The following WAPL variants were observed in gnomAD, a reference collection of about 807,000 sequenced individuals.
WAPL encodes the protein WAPL cohesin release factor.
WAPL carries 5 observed loss-of-function variants against 121.0 expected under a neutral mutation model. The observed-to-expected ratio is 0.04, with a 90% CI of 0.02 to 0.09. The LOEUF (loss-of-function observed/expected upper bound fraction) is 0.09. Among genes scored for constraint, WAPL ranks in the 10% least tolerant of loss-of-function variants. The probability of loss-of-function intolerance (pLI) is 1.00; values close to 1 mark genes in which losing one functional copy is unlikely to be tolerated. For missense variants in WAPL, 999 were observed against 1,410.8 expected (o/e 0.71, Z 4.68); for synonymous variants, 480 against 481.5 (o/e 1.00, Z 0.04).
At chr10:86,483,052 G>A (rs1841828571) in intron 4 of WAPL, among the ~76,000 whole-genome samples, 1 of 152,164 alleles carries the variant, frequency 6.6e-6, no homozygotes, top group African/African-American at 2.4e-5. Flanking sequence ...TGACATCTTA[G>A]CACAATGCAT....
At chr10:86,511,462 C>T (rs953646050) in intron 2 of WAPL, among the ~76,000 whole-genome samples, 3 of 152,194 alleles carry the variant, frequency 2.0e-5, no homozygotes, top group African/African-American at 2.4e-5. Flanking sequence ...TTATCTCATT[C>T]ACATCAGAAT....
chr10:86,453,571 C>A, intron 13 of WAPL, 85 bp downstream of exon 13: 3 of 1,444,480 alleles, frequency 2.1e-6, no homozygotes, highest in Non-Finnish European at 2.8e-6. Context: ...AAAATCACTA[C>A]CCCAGGAAAA....
In WAPL at chr10:86,474,091, T is replaced by C. The variant is rs1841597030; in HGVS notation, c.1645-118A>G. The C allele has an allele frequency of 1.3e-5, 10 of 763,472 alleles. No individual in the cohort carries two copies. The South Asian group carries it at 1.7e-4, about 13-fold the overall frequency. The allele number at this position is 763,472 out of a possible 1,614,324, so 47.3% of individuals were successfully genotyped here. ...CCTAGAAACAGCAGGATGGATACTA[T>C]CTGGGAACAGTCCCACCATAATTCC... On this transcript the variant is annotated intron_variant, in intron 4 of 18. Transcript: ENST00000298767.
intron 4 of WAPL, among the ~76,000 whole-genome samples, chr10:86,477,941 G>A (rs1040686111): frequency 2.0e-5 from 3 of 151,816 alleles, no homozygotes; most frequent in African/African-American, 4.8e-5. Context: ...TGTAATCCCC[G>A]CTACTCAGGA....
chr10:86,520,962 G>A (rs1842664049), intron 1 of WAPL, among the ~76,000 whole-genome samples: 1 of 151,884 alleles, frequency 6.6e-6, no homozygotes, highest in South Asian at 2.1e-4. Flanking sequence ...TGGACCCCTC[G>A]GACTAGACAC....
Position 86,443,296 on chromosome 10 carries a change from C to A in WAPL, c.3390G>T (p.Gly1130=). The A allele has an allele frequency of 1.9e-6, 3 of 1,613,888 alleles. No individual in the cohort carries two copies. Among genetic ancestry groups the A allele is most frequent in the Non-Finnish European group, 2.5e-6 (3 of 1,179,904 alleles). The part of the protein sequence containing the change: ...IVASYTALLL[G]CLCQESPINV... Reference sequence around the variant, plus strand: ...TTACTGGACTTTCCTGGCAGAGACACCCAAGAAGTAGTGCTGTGTAGGAGG... The same window carrying A: ...TTACTGGACTTTCCTGGCAGAGACAACCAAGAAGTAGTGCTGTGTAGGAGG... The change falls in exon 17 of 19, where the codon GGG becomes GGT. Residue 1130 remains glycine (G), a synonymous_variant. Coordinates refer to ENST00000298767, the MANE Select transcript of WAPL (RefSeq NM_015045.5).
intron 15 of WAPL, among the ~76,000 whole-genome samples, chr10:86,447,570 A>G (rs1849654236): frequency 6.6e-6 from 1 of 152,168 alleles, no homozygotes; most frequent in African/African-American, 2.4e-5. Context: ...TCTTGGCAAG[A>G]GTATGAAAGA....
chr10:86,511,944 A>AAAAAT (rs373383238), intron 2 of WAPL, among the ~76,000 whole-genome samples: 14,984 of 152,162 alleles, frequency 0.098, 853 homozygotes, highest in African/African-American at 0.16. Context: ...AAAATAAAAA[A>AAAAAT]AGAAATAATA....
In WAPL at chr10:86,447,569, G is replaced by A. The variant is rs1849654152; in HGVS notation, c.3115-1120C>T. On this transcript the variant is annotated intron_variant, in intron 15 of 18. Coordinates refer to ENST00000298767, the MANE Select transcript of WAPL (RefSeq NM_015045.5). ...GTTAGACTGGCAAAAATCTTGGCAAGAGTATGAAAGAATGGGGACTCTTAT... is the reference window on the plus strand; with the variant it reads ...GTTAGACTGGCAAAAATCTTGGCAAAAGTATGAAAGAATGGGGACTCTTAT... Among the ~76,000 whole-genome samples, 3 of 152,086 alleles carry A rather than the reference G, an allele frequency of 2.0e-5. No homozygotes were observed. In the South Asian group the frequency reaches 6.2e-4, roughly 32 times the overall value.
At chr10:86,453,174 C>T in intron 14 of WAPL, 46 bp downstream of exon 14, 1 of 1,567,572 alleles carries the variant, frequency 6.4e-7, no homozygotes, top group Non-Finnish European at 8.8e-7. Flanking sequence ...TTTTGCACAC[C>T]TTATTAGATA....
chr10:86,441,724 G>A (rs1036465154), intron 17 of WAPL, among the ~76,000 whole-genome samples: 1 of 152,086 alleles, frequency 6.6e-6, no homozygotes, highest in Non-Finnish European at 1.5e-5. Context: ...GAAATGGGGT[G>A]GGCACTGTGG....
intron 14 of WAPL, among the ~76,000 whole-genome samples, chr10:86,452,668 T>C (rs1241566661): frequency 1.3e-5 from 2 of 152,066 alleles, no homozygotes; most frequent in Non-Finnish European, 2.9e-5. Flanking sequence ...TCATTCCTTT[T>C]ATTTTTAATT....
intron 16 of WAPL, among the ~76,000 whole-genome samples, chr10:86,444,892 C>CAAAAAAAAAAAAA (rs35307250): frequency 7.3e-5 from 5 of 68,192 alleles, no homozygotes; most frequent in Non-Finnish European, 1.1e-4. Flanking sequence ...GTTATTACGC[C>CAAAAAAAAAAAAA]AAAAAAAAAA....
At position 86,517,571 on chromosome 10, in the gene WAPL, C is replaced by T. The variant is rs1413695612; in HGVS notation, c.499G>A (p.Asp167Asn). 1 of 1,599,586 alleles carries T rather than the reference C, an allele frequency of 6.3e-7. No individual in the cohort carries two copies. Reference protein sequence around the residue: ...ISSCNKLITSDKVENFHEEHE... With the variant: ...ISSCNKLITSNKVENFHEEHE... ...GAGAATAAAGAAAATCAAAACTTACCTGAAGTTATTAATTTATTACAGCTA... is the reference window on the plus strand; with the variant it reads ...GAGAATAAAGAAAATCAAAACTTACTTGAAGTTATTAATTTATTACAGCTA... The change falls in exon 2 of 19, where the codon GAT (aspartate) becomes AAT (asparagine). Residue 167 changes from aspartate (D) to asparagine (N), a missense_variant and splice_region_variant. By Grantham distance (23) the Asp-to-Asn change is conservative. Coordinates refer to ENST00000298767, the MANE Select transcript of WAPL (RefSeq NM_015045.5).
rs1317429489 is a variant in WAPL, at chr10:86,435,719, G to T, written c.*1824C>A. The T allele has an allele frequency of 6.6e-6, 1 of 152,468 alleles. No homozygotes were observed. Among genetic ancestry groups the T allele is most frequent in the Non-Finnish European group, 1.5e-5 (1 of 68,026 alleles). 9.4% of individuals were successfully genotyped at this position (152,468 alleles called of 1,614,324 possible). ...AATCAATTTTCAAATGATTACCAGT[G>T]TAACAGAAAAATGCAGTTCGCCCTG... On this transcript the variant is annotated 3_prime_UTR_variant, in exon 19 of 19. Transcript: ENST00000298767.
At chr10:86,514,088 G>A (rs1366396885) in intron 2 of WAPL, among the ~76,000 whole-genome samples, 1 of 152,136 alleles carries the variant, frequency 6.6e-6, no homozygotes, top group African/African-American at 2.4e-5. Context: ...CAAAAATTTA[G>A]GTTTGGGTTT....
chr10:86,518,763 T>C (rs2132237188), intron 1 of WAPL, among the ~76,000 whole-genome samples: 1 of 152,346 alleles, frequency 6.6e-6, no homozygotes, highest in East Asian at 1.9e-4. Context: ...TTTAGTTCTT[T>C]GAAATTTCAT....
In WAPL at chr10:86,513,250, G is replaced by A. The variant is rs111561556; in HGVS notation, c.499+4321C>T. On this transcript the variant is annotated intron_variant, in intron 2 of 18. Coordinates refer to ENST00000298767, the MANE Select transcript of WAPL (RefSeq NM_015045.5). ...TGACCTCAAGCGATTCACCCGCCTC[G>A]GCCTCCCAAAGTGCTGGATTACAGC... is the stretch of plus-strand genomic sequence containing the variant. 1.7e-3 allele frequency among the ~76,000 whole-genome samples: 260 copies of A among 152,064 alleles called. 1 individual carries two copies. The highest frequency in any genetic ancestry group is 5.5e-3 in the African/African-American group (230 of 41,442).
intron 2 of WAPL, among the ~76,000 whole-genome samples, chr10:86,513,116 G>A (rs1363295976): frequency 6.6e-6 from 1 of 151,922 alleles, no homozygotes; most frequent in East Asian, 1.9e-4. Flanking sequence ...GCACCACCTC[G>A]GCTCACTGCA....
Sources: allele counts gnomAD v4.1 joint callset (sites outside exome capture counted in the v4.1 genomes callset), GRCh38; gene constraint gnomAD v4.1.1; transcripts MANE v1.5; gene names NCBI Gene and HGNC (gene_info 2026-07-23, HGNC 2026-07-21).